Variants in RARB observed in about 807,000 individuals in gnomAD.
RARB encodes the protein HBV-activated protein.
RARB carries 17 observed loss-of-function variants against 51.9 expected under a neutral mutation model. The ratio of observed to expected loss-of-function variants is 0.33; its 90% CI spans 0.22 to 0.49. The LOEUF (loss-of-function observed/expected upper bound fraction) is 0.49. Ranked by LOEUF, RARB falls within the 20% of genes least tolerant of loss-of-function variation. The pLI is 0.99. For synonymous variants in RARB, 215 were observed against 195.4 expected (o/e 1.10, Z -0.84); for missense variants, 369 against 550.8 (o/e 0.67, Z 3.30).
chr3:25,302,070 C>T (rs982989690), intron 5 of RARB, among the ~76,000 whole-genome samples: 2 of 152,172 alleles, frequency 1.3e-5, no homozygotes, highest in Non-Finnish European at 2.9e-5. Flanking sequence ...GTCATAATCA[C>T]AGTGAGATAC....
At chr3:25,399,266 C>T (rs766990846) in intron 5 of RARB, among the ~76,000 whole-genome samples, 13 of 152,096 alleles carry the variant, frequency 8.5e-5, no homozygotes, top group Non-Finnish European at 1.8e-4. Flanking sequence ...TATTTTGGGT[C>T]GCTAGTCTCT....
intron 2 of RARB, among the ~76,000 whole-genome samples, chr3:24,905,524 A>G (rs1268338515): frequency 6.6e-6 from 1 of 152,216 alleles, no homozygotes; most frequent in African/African-American, 2.4e-5. Context: ...AGTTCTGGCC[A>G]GTGAGACACT....
At chr3:24,968,432 C>T (rs980666999) in intron 2 of RARB, among the ~76,000 whole-genome samples, 7 of 152,010 alleles carry the variant, frequency 4.6e-5, no homozygotes, top group Non-Finnish European at 1.0e-4. Context: ...AATAAACCAC[C>T]TTAGAAATTA....
intron 2 of RARB, among the ~76,000 whole-genome samples, chr3:24,988,619 TA>T: frequency 6.6e-6 from 1 of 152,226 alleles, no homozygotes; most frequent in East Asian, 1.9e-4. Flanking sequence ...TTCTTCTGTT[TA>T]AAAATTTTAC....
At chr3:25,013,062 G>A (rs567516767) in intron 2 of RARB, among the ~76,000 whole-genome samples, 135 of 152,184 alleles carry the variant, frequency 8.9e-4, no homozygotes, top group Middle Eastern at 3.4e-3. Flanking sequence ...TTCATCTGGC[G>A]TGGACCCACT....
intron 5 of RARB, among the ~76,000 whole-genome samples, chr3:25,252,706 C>T (rs1040842246): frequency 4.6e-5 from 7 of 152,228 alleles, no homozygotes; most frequent in African/African-American, 1.2e-4. Context: ...TGTATTCTGC[C>T]ACCTTGCTGA....
At chr3:25,310,113 C>G (rs1410332000) in intron 5 of RARB, among the ~76,000 whole-genome samples, 1 of 152,128 alleles carries the variant, frequency 6.6e-6, no homozygotes, top group East Asian at 1.9e-4. Context: ...AGCTTCCAGG[C>G]CAACCATTTG....
chr3:25,054,594 T>C (rs1453938704), intron 2 of RARB, among the ~76,000 whole-genome samples: 1 of 152,144 alleles, frequency 6.6e-6, no homozygotes, highest in Non-Finnish European at 1.5e-5. Context: ...AGTGTGTATA[T>C]AAATATTTCC....
intron 5 of RARB, among the ~76,000 whole-genome samples, chr3:25,221,177 A>T (rs1701940700): frequency 2.6e-5 from 4 of 152,226 alleles, no homozygotes; most frequent in African/African-American, 9.6e-5. Flanking sequence ...CAGATACTAA[A>T]GGCAAAAGGA....
intron 5 of RARB, among the ~76,000 whole-genome samples, chr3:25,216,743 A>G (rs912468298): frequency 6.6e-6 from 1 of 151,428 alleles, no homozygotes; most frequent in Non-Finnish European, 1.5e-5. Context: ...ACATATATAT[A>G]TATCTAGTAC....
chr3:25,130,938 T>TATCAATATTTATCATTGATAATATC (rs1559477553), intron 3 of RARB, among the ~76,000 whole-genome samples: 2 of 10,722 alleles, frequency 1.9e-4, no homozygotes, highest in East Asian at 5.4e-3. Flanking sequence ...TCATTGATAA[T>TATCAATATTTATCATTGATAATATC]ATCAATATTT....
At chr3:25,286,170 G>A (rs1363157636) in intron 5 of RARB, among the ~76,000 whole-genome samples, 1 of 123,736 alleles carries the variant, frequency 8.1e-6, no homozygotes, top group Non-Finnish European at 1.6e-5. Flanking sequence ...CTCACTGCAA[G>A]CTCCATCTCC....
intron 2 of RARB, among the ~76,000 whole-genome samples, chr3:25,487,219 A>G (rs1464961922): frequency 6.6e-6 from 1 of 152,158 alleles, no homozygotes; most frequent in African/African-American, 2.4e-5. Flanking sequence ...TAGCAACTCC[A>G]GGTTTTCGCT....
chr3:25,241,678 G>A (rs1329034439), intron 5 of RARB, among the ~76,000 whole-genome samples: 1 of 152,150 alleles, frequency 6.6e-6, no homozygotes, highest in Non-Finnish European at 1.5e-5. Context: ...GTATTCCATG[G>A]TTTATATGTG....
intron 5 of RARB, among the ~76,000 whole-genome samples, chr3:25,381,392 A>G (rs1472767589): frequency 1.3e-5 from 2 of 152,194 alleles, no homozygotes; most frequent in African/African-American, 2.4e-5. Flanking sequence ...CACCAACCCT[A>G]GTGCACACTT....
intron 5 of RARB, among the ~76,000 whole-genome samples, chr3:25,308,448 CTTT>C (rs549224085): frequency 3.3e-4 from 43 of 130,700 alleles, no homozygotes; most frequent in South Asian, 4.9e-4. Flanking sequence ...TTCTTTCTTT[CTTT>C]TTTTTTTTTT....
At chr3:25,409,096 G>C (rs965794384) in intron 5 of RARB, among the ~76,000 whole-genome samples, 5 of 152,162 alleles carry the variant, frequency 3.3e-5, no homozygotes, top group African/African-American at 1.2e-4. Context: ...AAGTATGACA[G>C]TGCCAACGCA....
At chr3:25,456,554 ATTTTTT>A (rs35056259) in intron 1 of RARB, among the ~76,000 whole-genome samples, 24 of 44,122 alleles carry the variant, frequency 5.4e-4, no homozygotes, top group Middle Eastern at 0.045. Context: ...TATACCACTG[ATTTTTT>A]TTTTTTTTTT....
intron 3 of RARB, among the ~76,000 whole-genome samples, chr3:25,108,084 A>G (rs559825240): frequency 6.6e-6 from 1 of 152,312 alleles, no homozygotes; most frequent in East Asian, 1.9e-4. Flanking sequence ...ATGGGTGGGT[A>G]GCATCTACAG....
Sources: allele counts gnomAD v4.1 joint callset (sites outside exome capture counted in the v4.1 genomes callset), GRCh38; gene constraint gnomAD v4.1.1; transcripts MANE v1.5; gene names NCBI Gene and HGNC (gene_info 2026-07-23, HGNC 2026-07-21).